Variants in MBD5 observed in about 807,000 individuals in gnomAD.
MBD5 encodes the protein methyl-CpG binding domain protein 5, also known as methyl-CpG-binding domain protein 5.
A neutral mutation model predicts 117.3 loss-of-function variants in MBD5; 13 were observed. The ratio of observed to expected loss-of-function variants is 0.11; its 90% confidence interval spans 0.07 to 0.18. The LOEUF is 0.18. MBD5 is among the 10% of genes least tolerant of loss of function. MBD5 has a pLI of 1.00. For missense variants in MBD5, 1,879 were observed against 2,093.8 expected, an observed-to-expected ratio of 0.90 and a Z score of 2.00; for synonymous variants, 727 against 766.4, an observed-to-expected ratio of 0.95 and a Z score of 0.85.
At chr2:148,140,077 C>A (rs1243177826) in intron 1 of MBD5, among the ~76,000 whole-genome samples, 1 of 152,084 alleles carries the variant, frequency 6.6e-6, no homozygotes, top group Non-Finnish European at 1.5e-5. Context: ...AGTGGAGAAA[C>A]CTGAGGCCCA....
At chr2:148,286,646 A>T (rs2106405779) in intron 3 of MBD5, among the ~76,000 whole-genome samples, 2 of 152,320 alleles carry the variant, frequency 1.3e-5, no homozygotes, top group South Asian at 2.1e-4. Context: ...CCTCTGTTTT[A>T]AAAAAGGTAT....
chr2:148,399,761 G>T (rs1704856515), intron 4 of MBD5, among the ~76,000 whole-genome samples: 3 of 152,032 alleles, frequency 2.0e-5, no homozygotes, highest in African/African-American at 7.2e-5. Flanking sequence ...TCCAGTTTTT[G>T]CCCATTCAGT....
At chr2:148,087,518 C>T (rs573125667) in intron 1 of MBD5, among the ~76,000 whole-genome samples, 7 of 152,280 alleles carry the variant, frequency 4.6e-5, no homozygotes, top group Middle Eastern at 6.8e-3. Context: ...GCTGGGAGAC[C>T]GGAGTATGGA....
intron 2 of MBD5, among the ~76,000 whole-genome samples, chr2:148,207,212 C>G (rs1022721089): frequency 6.6e-6 from 1 of 152,096 alleles, no homozygotes; most frequent in African/African-American, 2.4e-5. Flanking sequence ...CTAGCATTAT[C>G]TTGAGCATAT....
chr2:148,373,771 C>A (rs1162704730), intron 4 of MBD5, among the ~76,000 whole-genome samples: 1 of 152,098 alleles, frequency 6.6e-6, no homozygotes, highest in Non-Finnish European at 1.5e-5. Flanking sequence ...GACTACAATT[C>A]TTTTAAAAAT....
chr2:148,359,534 T>G (rs1703476183), intron 4 of MBD5, among the ~76,000 whole-genome samples: 1 of 152,160 alleles, frequency 6.6e-6, no homozygotes, highest in South Asian at 2.1e-4. Flanking sequence ...TGGAGTGTGA[T>G]ATGTAAAAAG....
chr2:148,503,483 T>C (rs926074944), intron 12 of MBD5, among the ~76,000 whole-genome samples: 1 of 152,232 alleles, frequency 6.6e-6, no homozygotes, highest in Non-Finnish European at 1.5e-5. Context: ...TAATATCTAT[T>C]AAAAAGCATT....
chr2:148,334,751 T>C (rs1206299293), intron 3 of MBD5, among the ~76,000 whole-genome samples: 1 of 152,208 alleles, frequency 6.6e-6, no homozygotes, highest in Non-Finnish European at 1.5e-5. Flanking sequence ...TAGATACTGT[T>C]GATTTTTCTT....
At chr2:148,048,461 T>G (rs960690349) in intron 1 of MBD5, among the ~76,000 whole-genome samples, 1 of 152,148 alleles carries the variant, frequency 6.6e-6, no homozygotes, top group Non-Finnish European at 1.5e-5. Flanking sequence ...ACAATAATAA[T>G]ACAACCTGGC....
chr2:148,250,441 T>C (rs1009715908), intron 3 of MBD5, among the ~76,000 whole-genome samples: 1 of 150,998 alleles, frequency 6.6e-6, no homozygotes, highest in Non-Finnish European at 1.5e-5. Flanking sequence ...CCCTGAACCT[T>C]CTTCTTTGCT....
At chr2:148,451,690 T>A (rs1453731713) in intron 4 of MBD5, among the ~76,000 whole-genome samples, 2 of 152,190 alleles carry the variant, frequency 1.3e-5, no homozygotes, top group African/African-American at 4.8e-5. Context: ...TGTCTGTTGT[T>A]ACATGTATAT....
intron 1 of MBD5, among the ~76,000 whole-genome samples, chr2:148,144,212 T>A (rs1161711240): frequency 3.3e-5 from 5 of 151,936 alleles, no homozygotes; most frequent in African/African-American, 1.2e-4. Context: ...GATGAGCATT[T>A]TTTCATGTGT....
intron 1 of MBD5, among the ~76,000 whole-genome samples, chr2:148,040,855 G>A (rs141958867): frequency 0.035 from 5,276 of 152,194 alleles, 112 homozygotes; most frequent in Middle Eastern, 0.068. Context: ...ATCTTTGAGG[G>A]TGGAGGCCCT....
At chr2:148,135,899 C>A (rs1360745600) in intron 1 of MBD5, among the ~76,000 whole-genome samples, 2 of 152,108 alleles carry the variant, frequency 1.3e-5, no homozygotes, top group East Asian at 3.9e-4. Flanking sequence ...AGGCGAAGAC[C>A]TCTCGGGGCC....
intron 3 of MBD5, among the ~76,000 whole-genome samples, chr2:148,238,015 T>A (rs1700127734): frequency 6.6e-6 from 1 of 152,222 alleles, no homozygotes; most frequent in Non-Finnish European, 1.5e-5. Flanking sequence ...TTCTTAGCAC[T>A]GCCTAACATG....
rs1019556619 is a variant in MBD5 at position 148,322,412 on chromosome 2, T to G, written c.-679-19802T>G. ...CCTATTGTACCTAGTACTACTTTAG[T>G]TACCTAGAATACATTCAATAAATGT... On this transcript the variant is annotated intron_variant, in intron 3 of 13. Transcript: ENST00000642680. Among the ~76,000 whole-genome samples the G allele has an allele frequency of 2.0e-5, 3 of 152,226 alleles. No homozygotes were observed. The South Asian group carries it at 6.2e-4, about 32-fold the overall frequency.
chr2:148,423,995 A>G (rs1247226955), intron 4 of MBD5, among the ~76,000 whole-genome samples: 4 of 151,652 alleles, frequency 2.6e-5, no homozygotes, highest in African/African-American at 9.7e-5. Flanking sequence ...TGGCTAACAC[A>G]GTGAAACCCC....
At chr2:148,030,619 A>G (rs1314882331) in intron 1 of MBD5, among the ~76,000 whole-genome samples, 1 of 152,210 alleles carries the variant, frequency 6.6e-6, no homozygotes, top group Admixed American at 6.5e-5. Flanking sequence ...CATGCTTTGT[A>G]TACGGAAAGT....
At chr2:148,119,148 A>C (rs1295089312) in intron 1 of MBD5, among the ~76,000 whole-genome samples, 2 of 152,206 alleles carry the variant, frequency 1.3e-5, no homozygotes, top group Admixed American at 6.5e-5. Context: ...CATAATGGGC[A>C]TTCCAGTTTC....
Sources: gnomAD v4.1 joint callset for allele counts (sites outside exome capture counted in the v4.1 genomes callset) on GRCh38, gnomAD v4.1.1 for gene constraint, MANE v1.5 for transcripts, NCBI Gene and HGNC (gene_info 2026-07-23, HGNC 2026-07-21) for gene names.